The following MUC5AC variants were observed in gnomAD, a reference collection of about 807,000 sequenced individuals.
MUC5AC encodes the protein mucin 5AC, oligomeric mucus/gel-forming, also known as mucin-5AC.
A neutral mutation model predicts 169.7 loss-of-function variants in MUC5AC; 158 were observed. The observed-to-expected ratio is 0.93, with a 90% confidence interval of 0.82 to 1.06. MUC5AC has a LOEUF of 1.06. MUC5AC is among the 50% of genes least tolerant of loss of function. The pLI, the probability that MUC5AC is intolerant of heterozygous loss-of-function variation, is 0.00. For synonymous variants in MUC5AC, 1,975 were observed against 1,237.0 expected (o/e 1.60, Z -12.52); for missense variants, 4,359 against 3,089.9 (o/e 1.41, Z -9.74).
chr11:1,182,630 C>T lies in MUC5AC; in HGVS notation c.4485C>T (p.Thr1495=), dbSNP rs1860842081. 4 of 399,196 alleles carry T rather than the reference C, an allele frequency of 1.0e-5. No individual in the cohort carries two copies. The highest frequency in any genetic ancestry group is 8.8e-5 in the Admixed American group (2 of 22,724). 24.7% of individuals were successfully genotyped at this position (399,196 alleles called of 1,614,324 possible). A position where few individuals can be genotyped will look rare whatever the true frequency, so the allele number is the denominator to read the frequency against. Residue 1495 remains threonine (T), a synonymous_variant, in exon 31 of 49, where the codon ACC becomes ACT. Coordinates refer to ENST00000621226, the MANE Select transcript of MUC5AC (RefSeq NM_001304359.2). ...CAGCCCAGACCACTCCTCCAACTAC[C>T]TCCAAGACCACTGAAACCCGGGCCT... ...SSPAQTTPPT[T]SKTTETRASG... is the part of the protein sequence containing the mutation.
At position 1,161,946 on chromosome 11, in the gene MUC5AC, G is replaced by C; in HGVS notation, c.251G>C (p.Trp84Ser). 6.2e-7 allele frequency: 1 copy of C among 1,612,030 alleles called. No individual in the cohort carries two copies. The highest frequency in any genetic ancestry group is 8.5e-7 in the Non-Finnish European group (1 of 1,179,638). ...CACAACGGGCGGGTGTGCAGCACCT[G>C]GGGCAGCTTCCACTACAAGACCTTC... ...PAHNGRVCST[W>S]GSFHYKTFDG... is the part of the protein sequence containing the mutation. The change falls in exon 4 of 49, where the codon TGG becomes TCG. Residue 84 changes from tryptophan (W) to serine (S), a missense_variant. By Grantham distance (177) the Trp-to-Ser change is radical. Coordinates refer to ENST00000621226, the MANE Select transcript of MUC5AC (RefSeq NM_001304359.2).
chr11:1,185,119 C>G lies in MUC5AC; in HGVS notation c.6974C>G (p.Thr2325Ser). ...STISAPTTSI[T>S]SAPTTSTTSA... Reference sequence around the variant, plus strand: ...ATCTCTGCTCCTACAACTAGCATAACCTCTGCCCCTACAACCAGCACAACC... The same window carrying G: ...ATCTCTGCTCCTACAACTAGCATAAGCTCTGCCCCTACAACCAGCACAACC... Residue 2325 changes from threonine (T) to serine (S), a missense_variant, in exon 31 of 49, where the codon ACC (threonine) becomes AGC (serine). Transcript: ENST00000621226. 3 of 698,752 alleles carry G rather than the reference C, an allele frequency of 4.3e-6. No individual in the cohort carries two copies. The highest frequency in any genetic ancestry group is 7.8e-6 in the Non-Finnish European group (3 of 385,872). The allele number at this position is 698,752 out of a possible 1,614,324, so 43.3% of individuals were successfully genotyped here.
At chr11:1,166,227 C>T (rs1860321426) in intron 11 of MUC5AC, among the ~76,000 whole-genome samples, 2 of 147,472 alleles carry the variant, frequency 1.4e-5, no homozygotes, top group Non-Finnish European at 3.0e-5. Flanking sequence ...TGAGACCCTG[C>T]ACCCAACACA....
At position 1,192,784 on chromosome 11, in the gene MUC5AC, A is replaced by T. The variant is rs770436839; in HGVS notation, c.14382A>T (p.Gly4794=). Residue 4794 remains glycine, a splice_region_variant and synonymous_variant, in exon 32 of 49, where the codon GGA becomes GGT. Transcript: ENST00000621226. ...CTGCCATGTCCCTTCCTCTTACAGG[A>T]TCCACCATATACCGCCACAGAGACC... is the stretch of plus-strand genomic sequence containing the variant. ...CNVADRLYPA[G]STIYRHRDLA... 3 of 755,246 alleles carry T rather than the reference A, an allele frequency of 4.0e-6. No individual in the cohort carries two copies. The highest frequency in any genetic ancestry group is 2.3e-4 in the Middle Eastern group (1 of 4,408). The allele number at this position is 755,246 out of a possible 1,614,324, so 46.8% of individuals were successfully genotyped here. A position where few individuals can be genotyped will look rare whatever the true frequency, so the allele number is the denominator to read the frequency against.
At chr11:1,164,026 T>A (rs941794063) in intron 7 of MUC5AC, 35 bp downstream of exon 7, 4 of 1,609,248 alleles carry the variant, frequency 2.5e-6, no homozygotes, top group Non-Finnish European at 3.4e-6. Flanking sequence ...CCCAGCAGGT[T>A]GAGCAGGAGG....
At position 1,194,601 on chromosome 11, in the gene MUC5AC, T is replaced by A. The variant is rs1861212043; in HGVS notation, c.15121T>A (p.Phe5041Ile). Residue 5041 changes from phenylalanine to isoleucine, a missense_variant, in exon 35 of 49, where the codon TTC (phenylalanine) becomes ATC (isoleucine). Coordinates refer to ENST00000621226, the MANE Select transcript of MUC5AC (RefSeq NM_001304359.2). Reference sequence around the variant, plus strand: ...CCCGGAGCTGGGAGTCCAGGTCATGTTCTCCGGCCTCATCTTCTCCGTGGA... The same window carrying A: ...CCCGGAGCTGGGAGTCCAGGTCATGATCTCCGGCCTCATCTTCTCCGTGGA... ...TIPELGVQVM[F>I]SGLIFSVEVP... is the part of the protein sequence containing the mutation. The A allele has an allele frequency of 1.3e-6, 1 of 764,668 alleles. No individual in the cohort carries two copies. Among genetic ancestry groups the A allele is most frequent in the East Asian group, 2.4e-5 (1 of 41,236 alleles). 47.4% of individuals were successfully genotyped at this position (764,668 alleles called of 1,614,324 possible).
intron 8 of MUC5AC, 41 bp from the exon 9 acceptor site, chr11:1,164,366 C>G: frequency 6.2e-7 from 1 of 1,611,702 alleles, no homozygotes; most frequent in Non-Finnish European, 8.5e-7. Context: ...GCAGGGAGGG[C>G]AGGGGCAGGC....
At position 1,191,491 on chromosome 11, in the gene MUC5AC, C is replaced by G. The variant is rs1346827748; in HGVS notation, c.13346C>G (p.Thr4449Arg). The part of the protein sequence containing the change: ...TTPSPVPTTS[T>R]TSASTTSTIS... ...CCCAGCCCTGTTCCCACCACAAGCACAACCTCTGCTTCTACAACCAGCACA... is the reference window on the plus strand; with the variant it reads ...CCCAGCCCTGTTCCCACCACAAGCAGAACCTCTGCTTCTACAACCAGCACA... The change falls in exon 31 of 49, where the codon ACA becomes AGA. Residue 4449 changes from threonine (T) to arginine (R), a missense_variant. Thr to Arg is a moderately conservative substitution (Grantham distance 71). Coordinates refer to ENST00000621226, the MANE Select transcript of MUC5AC (RefSeq NM_001304359.2). 3.7e-5 allele frequency: 24 copies of G among 646,390 alleles called. No homozygotes were observed. In the South Asian group the frequency reaches 4.2e-4, roughly 11 times the overall value. The allele number at this position is 646,390 out of a possible 1,614,324, so 40.0% of individuals were successfully genotyped here.
Position 1,185,769 on chromosome 11 carries a change from T to C in MUC5AC, c.7624T>C (p.Ser2542Pro). Residue 2542 changes from serine (S) to proline (P), a missense_variant, in exon 31 of 49, where the codon TCT (serine) becomes CCT (proline). Ser to Pro is a moderately conservative substitution (Grantham distance 74, BLOSUM62 -1). Transcript: ENST00000621226. ...CCCTGTTCCCACCACCAGCACAACC[T>C]CTGCTCCTACAACCAGCACAACCTC... ...PSPVPTTSTT[S>P]APTTSTTSAP... 1 of 741,486 alleles carries C rather than the reference T, an allele frequency of 1.3e-6. No individual in the cohort carries two copies. The highest frequency in any genetic ancestry group is 2.5e-5 in the East Asian group (1 of 40,530). 45.9% of individuals were successfully genotyped at this position (741,486 alleles called of 1,614,324 possible).
intron 6 of MUC5AC, 104 bp downstream of exon 6, chr11:1,163,149 T>C (rs930526244): frequency 3.7e-6 from 4 of 1,068,690 alleles, no homozygotes; most frequent in Non-Finnish European, 5.8e-6. Flanking sequence ...CATGCACAGA[T>C]ACACGGATGC....
In MUC5AC at chr11:1,172,521, T is replaced by C. The variant is rs1860572774; in HGVS notation, c.1963T>C (p.Ser655Pro). The change falls in exon 16 of 49, where the codon TCG becomes CCG. Residue 655 changes from serine to proline, a missense_variant and splice_region_variant. Transcript: ENST00000621226. ...TGCCGTGAAGCCGGGAACCTACTAC[T>C]CGGTAACATCTGCCGCCTCTTGGCC... ...HAAVKPGTYY[S>P]NCMFDTCNCE... The C allele has an allele frequency of 2.5e-6, 1 of 398,496 alleles. No homozygotes were observed. The highest frequency in any genetic ancestry group is 4.4e-6 in the Non-Finnish European group (1 of 226,094). The allele number at this position is 398,496 out of a possible 1,614,324, so 24.7% of individuals were successfully genotyped here. A position where few individuals can be genotyped will look rare whatever the true frequency, so the allele number is the denominator to read the frequency against.
At position 1,198,024 on chromosome 11, in the gene MUC5AC, C is replaced by T; in HGVS notation, c.16135+20C>T. 1.5e-6 allele frequency: 1 copy of T among 660,042 alleles called. No homozygotes were observed. The highest frequency in any genetic ancestry group is 2.7e-6 in the Non-Finnish European group (1 of 363,838). The allele number at this position is 660,042 out of a possible 1,614,324, so 40.9% of individuals were successfully genotyped here. On this transcript the variant is annotated intron_variant, in intron 42 of 48. Coordinates refer to ENST00000621226, the MANE Select transcript of MUC5AC (RefSeq NM_001304359.2). ...ACTGCAGTGAGTGGCCTGGACCAGG[C>T]CCTGTCAGGGGCCGTGGGCTGGGGT...
intron 11 of MUC5AC, among the ~76,000 whole-genome samples, 160 bp downstream of exon 11, chr11:1,165,920 C>T (rs1049422009): frequency 2.6e-5 from 4 of 152,132 alleles, no homozygotes; most frequent in African/African-American, 4.8e-5. Flanking sequence ...CTCCCCAGCG[C>T]TAGTCCTCAC....
chr11:1,196,516 G>C (rs1156548799), intron 38 of MUC5AC, 41 bp downstream of exon 38: 2 of 764,562 alleles, frequency 2.6e-6, no homozygotes, highest in Non-Finnish European at 4.8e-6. Context: ...GGCTGCTGGA[G>C]CCACCCAGTC....
intron 48 of MUC5AC, 82 bp from the exon 49 acceptor site, chr11:1,200,356 G>T (rs568007216): frequency 1.6e-6 from 1 of 617,512 alleles, no homozygotes; most frequent in Non-Finnish European, 2.9e-6. Context: ...CGATGAGGCC[G>T]CCCAGAGCTC....
intron 15 of MUC5AC, chr11:1,169,261 T>A: frequency 1.2e-6 from 1 of 801,842 alleles, no homozygotes; most frequent in Non-Finnish European, 1.5e-6. Context: ...TCTCTGTTGG[T>A]CAACATCCGC....
At chr11:1,173,621 T>TACTCATCCACTC (rs1339019111) in intron 16 of MUC5AC, among the ~76,000 whole-genome samples, 1 of 144,374 alleles carries the variant, frequency 6.9e-6, no homozygotes, top group African/African-American at 2.6e-5. Flanking sequence ...ATCCACTCAT[T>TACTCATCCACTC]ACTCATCCAC....
chr11:1,166,838 C>G (rs1860347047), intron 11 of MUC5AC, among the ~76,000 whole-genome samples: 1 of 104,432 alleles, frequency 9.6e-6, no homozygotes, highest in African/African-American at 4.1e-5. Flanking sequence ...CACAGTTTCT[C>G]CACGATGAGA....
chr11:1,188,435 A>G lies in MUC5AC; in HGVS notation c.10290A>G (p.Ile3430Met), dbSNP rs1861006381. Residue 3430 changes from isoleucine (I) to methionine (M), a missense_variant, in exon 31 of 49, where the codon ATA (isoleucine) becomes ATG (methionine). Ile to Met is a conservative substitution (Grantham distance 10). Coordinates refer to ENST00000621226, the MANE Select transcript of MUC5AC (RefSeq NM_001304359.2). The stretch of plus-strand genomic sequence containing the variant: ...CAATCTCTGCTCGTACAACCAGCAT[A>G]ATCTCTGCCCCTACAACCAGCACAA... ...SSTISARTTSIISAPTTSTTS... is the reference protein window; with the variant it reads ...SSTISARTTSMISAPTTSTTS... 1 of 633,208 alleles carries G rather than the reference A, an allele frequency of 1.6e-6. No individual in the cohort carries two copies. Among genetic ancestry groups the G allele is most frequent in the Non-Finnish European group, 2.9e-6 (1 of 341,408 alleles). The allele number at this position is 633,208 out of a possible 1,614,324, so 39.2% of individuals were successfully genotyped here.
Sources: allele counts gnomAD v4.1 joint callset (sites outside exome capture counted in the v4.1 genomes callset), GRCh38; gene constraint gnomAD v4.1.1; transcripts MANE v1.5; gene names NCBI Gene and HGNC (gene_info 2026-07-23, HGNC 2026-07-21).